KDM7A: variants seen among roughly 807,000 people sequenced by gnomAD.
KDM7A encodes lysine-specific demethylase 7A.
In KDM7A, 28 loss-of-function variants were observed where a neutral mutation model predicts 114.8. That is an observed-to-expected ratio of 0.24 (90% CI 0.18 to 0.33). The LOEUF is 0.33. Among genes scored for constraint, KDM7A ranks in the 10% least tolerant of loss-of-function variants. The probability of loss-of-function intolerance (pLI) is 1.00; values close to 1 mark genes in which losing one functional copy is unlikely to be tolerated. For missense variants in KDM7A, 942 were observed against 1,142.5 expected (o/e 0.82, Z 2.53); for synonymous variants, 423 against 397.8 (o/e 1.06, Z -0.75).
chr7:140,109,066 G>A (rs1375777414), intron 11 of KDM7A, among the ~76,000 whole-genome samples: 4 of 152,148 alleles, frequency 2.6e-5, no homozygotes, highest in Admixed American at 2.6e-4. Flanking sequence ...GGGACCCTCG[G>A]AGCCAGCGCA....
chr7:140,125,413 G>A (rs75886993), intron 6 of KDM7A, among the ~76,000 whole-genome samples: 32,907 of 152,074 alleles, frequency 0.22, 4,275 homozygotes, highest in Middle Eastern at 0.29. Flanking sequence ...TGGCTACTGA[G>A]CACTTGAAAT....
chr7:140,119,229 T>C lies in KDM7A; in HGVS notation c.1140-10A>G. On this transcript the variant is annotated splice_polypyrimidine_tract_variant and intron_variant, in intron 8 of 19. Coordinates refer to ENST00000397560, the MANE Select transcript of KDM7A (RefSeq NM_030647.2). ...CTCCATCTCATAACACCTAAATGAG[T>C]TTGAAGAAATTTTTAATATTAATAT... 1 of 1,431,594 alleles carries C rather than the reference T, an allele frequency of 7.0e-7. No homozygotes were observed. Among genetic ancestry groups the C allele is most frequent in the Non-Finnish European group, 9.6e-7 (1 of 1,046,852 alleles). The allele number at this position is 1,431,594 out of a possible 1,614,324, so 88.7% of individuals were successfully genotyped here. A position where few individuals can be genotyped will look rare whatever the true frequency, so the allele number is the denominator to read the frequency against.
intron 1 of KDM7A, among the ~76,000 whole-genome samples, chr7:140,158,980 GA>G: frequency 1.3e-5 from 2 of 152,314 alleles, no homozygotes; most frequent in East Asian, 3.9e-4. Flanking sequence ...AGGTAGCAAA[GA>G]AACAGGGCTG....
chr7:140,160,781 G>T (rs1275731636), intron 1 of KDM7A, among the ~76,000 whole-genome samples: 1 of 152,304 alleles, frequency 6.6e-6, no homozygotes, highest in East Asian at 1.9e-4. Flanking sequence ...CTACAGGCTG[G>T]ATGCCCACAA....
chr7:140,134,299 G>A (rs1432236316), intron 2 of KDM7A, among the ~76,000 whole-genome samples: 2 of 152,190 alleles, frequency 1.3e-5, no homozygotes, highest in Non-Finnish European at 2.9e-5. Context: ...AGAAGATTTG[G>A]ATTTGATTCC....
intron 9 of KDM7A, among the ~76,000 whole-genome samples, chr7:140,117,716 T>C (rs560959022): frequency 2.0e-5 from 3 of 152,232 alleles, no homozygotes; most frequent in Non-Finnish European, 4.4e-5. Context: ...CTATAAACTC[T>C]ATTGTCCAGT....
At chr7:140,100,681 C>CATATATAT (rs1318217688) in intron 12 of KDM7A, among the ~76,000 whole-genome samples, 2 of 44,348 alleles carry the variant, frequency 4.5e-5, no homozygotes, top group East Asian at 6.0e-4. Flanking sequence ...TATATATATA[C>CATATATAT]ATATATACAT....
chr7:140,146,832 T>C (rs1037147375), intron 1 of KDM7A, among the ~76,000 whole-genome samples: 7 of 152,218 alleles, frequency 4.6e-5, no homozygotes, highest in African/African-American at 1.7e-4. Flanking sequence ...GAGAACTGAA[T>C]TGAATTAATG....
chr7:140,091,118 A>G lies in KDM7A; in HGVS notation c.2802T>C (p.Asn934=). The stretch of plus-strand genomic sequence containing the variant: ...GTCACACAAAGAAACGTGCATGGCC[A>G]TTTCTGTTCAACTTAAGGATCTTCC... ...RLGKILKLNR[N]GHARFFV is the part of the protein sequence containing the mutation. The change falls in exon 20 of 20, where the codon AAT becomes AAC. Residue 934 remains asparagine (N), a synonymous_variant. Transcript: ENST00000397560. 6.2e-7 allele frequency: 1 copy of G among 1,613,754 alleles called. No individual in the cohort carries two copies. The highest frequency in any genetic ancestry group is 8.5e-7 in the Non-Finnish European group (1 of 1,179,598).
intron 1 of KDM7A, among the ~76,000 whole-genome samples, chr7:140,154,000 T>C (rs1295749443): frequency 6.6e-6 from 1 of 152,168 alleles, no homozygotes. Context: ...GTGCCTGTTA[T>C]TTTTGCAGTG....
intron 3 of KDM7A, among the ~76,000 whole-genome samples, chr7:140,133,059 A>T (rs1158476408): frequency 6.6e-6 from 1 of 152,182 alleles, no homozygotes; most frequent in Non-Finnish European, 1.5e-5. Flanking sequence ...ATTATTTTTT[A>T]AAAAATCAAA....
At chr7:140,121,394 C>G (rs1181191584) in intron 7 of KDM7A, among the ~76,000 whole-genome samples, 1 of 152,154 alleles carries the variant, frequency 6.6e-6, no homozygotes, top group Admixed American at 6.5e-5. Context: ...CTTTTGACCC[C>G]TCACTGAACT....
At chr7:140,116,490 G>A (rs1031374212) in intron 9 of KDM7A, among the ~76,000 whole-genome samples, 1 of 152,094 alleles carries the variant, frequency 6.6e-6, no homozygotes, top group African/African-American at 2.4e-5. Context: ...TTAACACAAA[G>A]GTCAGGATAA....
chr7:140,108,632 G>A (rs1818382769), intron 11 of KDM7A, among the ~76,000 whole-genome samples: 1 of 152,212 alleles, frequency 6.6e-6, no homozygotes, highest in South Asian at 2.1e-4. Flanking sequence ...TCCTCTGGAA[G>A]CTTCGTCTCA....
In KDM7A at chr7:140,087,269, C is replaced by T. The variant is rs1440867486; in HGVS notation, c.*3825G>A. The T allele has an allele frequency of 6.6e-6, 1 of 152,162 alleles. No individual in the cohort carries two copies. Among genetic ancestry groups the T allele is most frequent in the Admixed American group, 6.6e-5 (1 of 15,262 alleles). 9.4% of individuals were successfully genotyped at this position (152,162 alleles called of 1,614,324 possible). A position where few individuals can be genotyped will look rare whatever the true frequency, so the allele number is the denominator to read the frequency against. ...GCTGAATCTGTGGGGATGGTACTTT[C>T]CTAATTCTTCAAGAAAAACCTAAAG... On this transcript the variant is annotated 3_prime_UTR_variant, in exon 20 of 20. Transcript: ENST00000397560.
chr7:140,115,593 T>C (rs370046463), intron 9 of KDM7A, among the ~76,000 whole-genome samples: 7 of 152,086 alleles, frequency 4.6e-5, no homozygotes, highest in South Asian at 4.2e-4. Context: ...TGCTTGAAGG[T>C]AGCATGCTCG....
At position 140,086,477 on chromosome 7, in the gene KDM7A, CT is replaced by C. The variant is rs1319714133; in HGVS notation, c.*4616del. The C allele has an allele frequency of 2.2e-4, 33 of 152,056 alleles. No individual in the cohort carries two copies. The highest frequency in any genetic ancestry group is 2.1e-3 in the Admixed American group (32 of 15,264). The allele number at this position is 152,056 out of a possible 1,614,324, so 9.4% of individuals were successfully genotyped here. A position where few individuals can be genotyped will look rare whatever the true frequency, so the allele number is the denominator to read the frequency against. On this transcript the variant is annotated 3_prime_UTR_variant, in exon 20 of 20. Coordinates refer to ENST00000397560, the MANE Select transcript of KDM7A (RefSeq NM_030647.2). ...AAATAGACATTTGCTTCCTAATGAC[CT>C]TAATTTTTAAAATTTATGTTAAGGA...
chr7:140,148,119 G>T (rs1291476057), intron 1 of KDM7A, among the ~76,000 whole-genome samples: 1 of 151,726 alleles, frequency 6.6e-6, no homozygotes, highest in Non-Finnish European at 1.5e-5. Flanking sequence ...CGAGGTTTGA[G>T]CCCAAATAGG....
intron 1 of KDM7A, among the ~76,000 whole-genome samples, chr7:140,169,505 T>G (rs979243812): frequency 2.0e-5 from 3 of 152,074 alleles, no homozygotes; most frequent in Non-Finnish European, 4.4e-5. Flanking sequence ...CAAGCAGAAA[T>G]ATACCCCAAA....
Sources: gnomAD v4.1 joint callset for allele counts (sites outside exome capture counted in the v4.1 genomes callset) on GRCh38, gnomAD v4.1.1 for gene constraint, MANE v1.5 for transcripts, NCBI Gene and HGNC (gene_info 2026-07-23, HGNC 2026-07-21) for gene names.